PTPRE: variants seen among roughly 807,000 people sequenced by gnomAD.
PTPRE encodes receptor-type tyrosine-protein phosphatase epsilon.
PTPRE carries 51 observed loss-of-function variants against 102.0 expected under a neutral mutation model. The observed-to-expected ratio is 0.50, with a 90% CI of 0.40 to 0.63. The LOEUF (loss-of-function observed/expected upper bound fraction) is 0.63, where lower values mean the gene tolerates loss of function less well. PTPRE is among the 30% of genes least tolerant of loss of function. PTPRE has a pLI of 0.00. For missense variants in PTPRE, 752 were observed against 915.1 expected, an observed-to-expected ratio of 0.82 and a Z score of 2.30; for synonymous variants, 345 against 348.2, an observed-to-expected ratio of 0.99 and a Z score of 0.10.
At chr10:127,983,163 C>A (rs540433250) in intron 2 of PTPRE, among the ~76,000 whole-genome samples, 1 of 152,016 alleles carries the variant, frequency 6.6e-6, no homozygotes, top group African/African-American at 2.4e-5. Context: ...GGCAGGGTGC[C>A]CTTTGTGGCA....
rs371906591 is a variant in PTPRE at position 128,032,695 on chromosome 10, G to A, written c.-7-8180G>A. ...TTGTGGCACCAGCCAGTTGAGCTGC[G>A]GCCCACACCATGGCCTGTGAGATGC... On this transcript the variant is annotated intron_variant, in intron 2 of 20. Coordinates refer to ENST00000254667, the MANE Select transcript of PTPRE (RefSeq NM_006504.6). Among the ~76,000 whole-genome samples the A allele has an allele frequency of 2.0e-4, 31 of 152,286 alleles. No individual in the cohort carries two copies. In the East Asian group the frequency reaches 3.3e-3, roughly 16 times the overall value.
At chr10:127,977,879 C>A (rs1339221320) in intron 1 of PTPRE, among the ~76,000 whole-genome samples, 1 of 152,178 alleles carries the variant, frequency 6.6e-6, no homozygotes, top group African/African-American at 2.4e-5. Flanking sequence ...GGGCTCCCTC[C>A]CTGCTTCTGT....
intron 2 of PTPRE, among the ~76,000 whole-genome samples, chr10:127,989,576 CG>C (rs1852428858): frequency 6.6e-6 from 1 of 152,188 alleles, no homozygotes. Context: ...GGTGCTCTCT[CG>C]GACTGAAACG....
chr10:127,949,633 C>G (rs1257324465), intron 1 of PTPRE, among the ~76,000 whole-genome samples: 1 of 152,192 alleles, frequency 6.6e-6, no homozygotes, highest in Non-Finnish European at 1.5e-5. Context: ...GCTCCTAGCA[C>G]GGCTAAACCA....
intron 1 of PTPRE, among the ~76,000 whole-genome samples, chr10:127,978,614 G>T (rs757311366): frequency 2.6e-5 from 4 of 152,154 alleles, no homozygotes; most frequent in Non-Finnish European, 4.4e-5. Flanking sequence ...CCTCCGGGAG[G>T]CCTAGCCAGG....
rs117202095 is a variant in PTPRE at position 128,008,960 on chromosome 10, C to T, written c.-8+26664C>T. Among the ~76,000 whole-genome samples, 797 of 152,308 alleles carry T rather than the reference C, an allele frequency of 5.2e-3. 4 individuals are homozygous for T. Among genetic ancestry groups the T allele is most frequent in the Non-Finnish European group, 9.5e-3 (643 of 68,018 alleles). On this transcript the variant is annotated intron_variant, in intron 2 of 20. Coordinates refer to ENST00000254667, the MANE Select transcript of PTPRE (RefSeq NM_006504.6). This position sits in a 1 kb window ranked among gnomAD's most constrained non-coding sequence, Gnocchi z 4.0. ...CTCTGGTCTGGCTGGGGCTGGGTTA[C>T]TTTGTTTCCTGCAAATCTTACCAGG...
chr10:128,067,753 G>A (rs1402243214), intron 11 of PTPRE, among the ~76,000 whole-genome samples: 1 of 152,188 alleles, frequency 6.6e-6, no homozygotes, highest in East Asian at 1.9e-4. Flanking sequence ...ATGTGCTGTT[G>A]GTGATTACTC....
chr10:127,943,121 G>A (rs1848369224), intron 1 of PTPRE, among the ~76,000 whole-genome samples: 1 of 152,188 alleles, frequency 6.6e-6, no homozygotes, highest in Non-Finnish European at 1.5e-5. Context: ...AAAACAGTAA[G>A]ACTGTTTAAA....
chr10:128,007,993 C>T (rs1039447132), intron 2 of PTPRE, among the ~76,000 whole-genome samples: 1 of 152,188 alleles, frequency 6.6e-6, no homozygotes, highest in African/African-American at 2.4e-5. Context: ...AGGGATGGAA[C>T]CCCGAGCTTC....
intron 2 of PTPRE, among the ~76,000 whole-genome samples, chr10:128,025,988 A>AC (rs1392975550): frequency 6.6e-6 from 1 of 152,180 alleles, no homozygotes; most frequent in Non-Finnish European, 1.5e-5. Context: ...CCAGAAGTAC[A>AC]ATCTCCCAGG....
chr10:127,984,109 T>G, intron 2 of PTPRE, among the ~76,000 whole-genome samples: 1 of 150,590 alleles, frequency 6.6e-6, no homozygotes. Context: ...GAGACAGAGT[T>G]TTCCTCTTGT....
At chr10:128,056,049 C>CT in intron 6 of PTPRE, 74 bp from the exon 7 acceptor site, 1 of 1,198,258 alleles carries the variant, frequency 8.3e-7, no homozygotes, top group Non-Finnish European at 1.2e-6. Context: ...AATTCCTGTG[C>CT]TCAGTAGGGA....
intron 2 of PTPRE, chr10:128,000,088 T>C: frequency 1.8e-6 from 1 of 558,124 alleles, no homozygotes; most frequent in Non-Finnish European, 2.3e-6. Flanking sequence ...TTAAATGTTG[T>C]TACTGGTTGA....
intron 3 of PTPRE, among the ~76,000 whole-genome samples, chr10:128,042,815 T>G (rs1847816232): frequency 1.3e-5 from 2 of 152,208 alleles, no homozygotes. Flanking sequence ...TGTTTACAAA[T>G]TATGTAATAA....
chr10:128,067,068 G>A (rs904831080), intron 11 of PTPRE, among the ~76,000 whole-genome samples: 13 of 132,602 alleles, frequency 9.8e-5, no homozygotes, highest in Admixed American at 5.3e-4. Context: ...ACATGCACAC[G>A]TACACCCACA....
rs977965895 is a variant in PTPRE, at chr10:128,062,936, G to A, written c.626-147G>A. On this transcript the variant is annotated intron_variant, in intron 9 of 20. Transcript: ENST00000254667. ...AGGCAGCCCCTACCGGTTCCGGAAC[G>A]CTTCAGGGCATGACGTGTGTGTCCC... 56 of 1,393,748 alleles carry A rather than the reference G, an allele frequency of 4.0e-5. No homozygotes were observed. The Admixed American group carries it at 5.3e-4, about 13-fold the overall frequency. 86.3% of individuals were successfully genotyped at this position (1,393,748 alleles called of 1,614,324 possible).
chr10:128,015,980 A>C (rs556288574), intron 2 of PTPRE, among the ~76,000 whole-genome samples: 1 of 152,174 alleles, frequency 6.6e-6, no homozygotes, highest in Non-Finnish European at 1.5e-5. Context: ...GCGTGTTTCC[A>C]CTTAGAGGAA....
At chr10:127,957,571 T>C (rs1473994715) in intron 1 of PTPRE, among the ~76,000 whole-genome samples, 1 of 152,254 alleles carries the variant, frequency 6.6e-6, no homozygotes, top group Non-Finnish European at 1.5e-5. Context: ...CTCTCCATTC[T>C]GTTCCAATGA....
chr10:127,951,214 G>C (rs1331849847), intron 1 of PTPRE, among the ~76,000 whole-genome samples: 2 of 152,186 alleles, frequency 1.3e-5, no homozygotes, highest in Non-Finnish European at 2.9e-5. Context: ...TGAGAGTCGT[G>C]GCTCCTCAAT....
Sources: gnomAD v4.1 joint callset for allele counts (sites outside exome capture counted in the v4.1 genomes callset) on GRCh38, gnomAD v4.1.1 for gene constraint, Gnocchi (gnomAD v3.1) non-coding constraint, MANE v1.5 for transcripts, NCBI Gene and HGNC (gene_info 2026-07-23, HGNC 2026-07-21) for gene names.